PPFIA1: variants seen among roughly 807,000 people sequenced by gnomAD.
PPFIA1 encodes the protein liprin-alpha-1.
A neutral mutation model predicts 149.9 loss-of-function variants in PPFIA1; 25 were observed. That is an observed-to-expected ratio of 0.17 (90% confidence interval 0.12 to 0.23). The LOEUF is 0.23. Ranked by LOEUF, PPFIA1 falls within the 10% of genes least tolerant of loss-of-function variation. PPFIA1 has a pLI of 1.00. For synonymous variants in PPFIA1, 549 were observed against 552.8 expected (o/e 0.99, Z 0.10); for missense variants, 1,362 against 1,506.5 (o/e 0.90, Z 1.59).
At chr11:70,355,070 A>G (rs1429773422) in intron 17 of PPFIA1, among the ~76,000 whole-genome samples, 1 of 151,788 alleles carries the variant, frequency 6.6e-6, no homozygotes, top group Non-Finnish European at 1.5e-5. Context: ...ATGCCCGGCT[A>G]ATTTTTGTAT....
At chr11:70,331,854 T>A (rs2054688077) in intron 8 of PPFIA1, 106 bp from the exon 9 acceptor site, 1 of 1,262,468 alleles carries the variant, frequency 7.9e-7, no homozygotes, top group Non-Finnish European at 1.1e-6. Flanking sequence ...AGCTCTTCCA[T>A]CATGACTCTC....
intron 15 of PPFIA1, 73 bp from the exon 16 acceptor site, chr11:70,348,116 A>G (rs758293912): frequency 7.5e-7 from 1 of 1,329,120 alleles, no homozygotes; most frequent in Non-Finnish European, 1.1e-6. Context: ...GAGTATAAGC[A>G]TGGTTTTTCT....
At chr11:70,321,545 A>G (rs1207084193) in intron 2 of PPFIA1, 2 of 152,250 alleles carry the variant, frequency 1.3e-5, no homozygotes, top group Non-Finnish European at 2.9e-5. Flanking sequence ...ATGCTTAAAA[A>G]GATAAATTAG....
At chr11:70,286,971 A>G (rs2136161279) in intron 2 of PPFIA1, among the ~76,000 whole-genome samples, 1 of 139,474 alleles carries the variant, frequency 7.2e-6, no homozygotes, top group Admixed American at 7.0e-5. Flanking sequence ...ATACATATAC[A>G]CATATATGCA....
intron 23 of PPFIA1, 130 bp downstream of exon 23, chr11:70,372,704 G>T: frequency 3.0e-6 from 2 of 672,720 alleles, no homozygotes; most frequent in Non-Finnish European, 5.0e-6. Context: ...CTAGTCTAGT[G>T]TCATTGCAGA....
intron 26 of PPFIA1, among the ~76,000 whole-genome samples, chr11:70,380,411 C>CAAA (rs1183784440): frequency 3.5e-5 from 4 of 113,090 alleles, no homozygotes; most frequent in Non-Finnish European, 5.9e-5. Context: ...ACTAAAAATA[C>CAAA]AAAAAAAAAA....
chr11:70,362,041 G>A (rs952368268), intron 19 of PPFIA1, 54 bp from the exon 20 acceptor site: 2 of 1,546,472 alleles, frequency 1.3e-6, no homozygotes. Flanking sequence ...GATTACAGGT[G>A]TGAGCTACCA....
chr11:70,356,358 T>C, intron 19 of PPFIA1, 104 bp downstream of exon 19: 1 of 825,178 alleles, frequency 1.2e-6, no homozygotes, highest in East Asian at 2.6e-5. Context: ...ATATATACAT[T>C]ATATTCTGAA....
intron 21 of PPFIA1, chr11:70,362,696 A>T (rs1446383885): frequency 2.3e-6 from 1 of 426,924 alleles, no homozygotes. Context: ...TTTATGAAAG[A>T]TTGGCTAGAA....
rs780485919 is a variant in PPFIA1, at chr11:70,272,455, T to G, written c.264+19T>G. ...TCCACAGGTATGAGTGCTTTTAACC[T>G]GAAACTATAGATTTTTCTCCACTAA... On this transcript the variant is annotated intron_variant, in intron 2 of 27. Transcript: ENST00000253925. 3.1e-5 allele frequency: 48 copies of G among 1,567,270 alleles called. No individual in the cohort carries two copies. The highest frequency in any genetic ancestry group is 4.1e-5 in the African/African-American group (3 of 72,832).
At chr11:70,284,411 T>C (rs1000222430) in intron 2 of PPFIA1, among the ~76,000 whole-genome samples, 9 of 152,332 alleles carry the variant, frequency 5.9e-5, no homozygotes, top group African/African-American at 2.2e-4. Flanking sequence ...ACACCTTTAA[T>C]TGTCAGCAAG....
chr11:70,321,225 AG>A (rs2053921217), intron 2 of PPFIA1: 1 of 152,464 alleles, frequency 6.6e-6, no homozygotes, highest in South Asian at 2.1e-4. Flanking sequence ...GGCCCTCACC[AG>A]ACACCAAATC....
At chr11:70,360,646 C>A (rs183608698) in intron 19 of PPFIA1, among the ~76,000 whole-genome samples, 1 of 152,256 alleles carries the variant, frequency 6.6e-6, no homozygotes, top group Non-Finnish European at 1.5e-5. Flanking sequence ...TCAGCCACCA[C>A]CTGGTGATTG....
chr11:70,334,244 A>T (rs1039922818), intron 10 of PPFIA1: 1 of 152,316 alleles, frequency 6.6e-6, no homozygotes, highest in Non-Finnish European at 1.5e-5. Context: ...ATTTCTCTTT[A>T]ACAAGTAGGT....
At position 70,378,278 on chromosome 11, in the gene PPFIA1, G is replaced by A. The variant is rs975260442; in HGVS notation, c.3550+83G>A. 19 of 1,502,084 alleles carry A rather than the reference G, an allele frequency of 1.3e-5. No individual in the cohort carries two copies. The Middle Eastern group carries it at 5.4e-4, about 42-fold the overall frequency. 93.0% of individuals were successfully genotyped at this position (1,502,084 alleles called of 1,614,324 possible). ...TGGAACATTAATAATGATCTAAAAC[G>A]GCCTATTTAATATGTTACAAGGCAC... On this transcript the variant is annotated intron_variant, in intron 26 of 27. Coordinates refer to ENST00000253925, the MANE Select transcript of PPFIA1 (RefSeq NM_003626.5).
chr11:70,319,805 A>C (rs2053832119), intron 2 of PPFIA1: 1 of 152,310 alleles, frequency 6.6e-6, no homozygotes, highest in Non-Finnish European at 1.5e-5. Flanking sequence ...AGCCCTGCTG[A>C]AGCCCTTGCT....
chr11:70,376,752 C>CATTT (rs1057222734), intron 25 of PPFIA1, 152 bp downstream of exon 25: 12 of 751,510 alleles, frequency 1.6e-5, no homozygotes, highest in Non-Finnish European at 2.7e-5. Flanking sequence ...TGCTCTTATA[C>CATTT]ATTTATTCAC....
Position 70,353,954 on chromosome 11 carries a change from C to T in PPFIA1, c.2164-347C>T, listed in dbSNP as rs558651122. 9.2e-5 allele frequency among the ~76,000 whole-genome samples: 14 copies of T among 152,304 alleles called. No individual in the cohort carries two copies. The South Asian group carries it at 2.5e-3, about 27-fold the overall frequency. ...TCACATTTGTAACGATGTGGTTTAT[C>T]GGTGTTGTTCAGATCTCTGCTGCCC... On this transcript the variant is annotated intron_variant, in intron 16 of 27. Coordinates refer to ENST00000253925, the MANE Select transcript of PPFIA1 (RefSeq NM_003626.5).
chr11:70,330,347 G>A, intron 8 of PPFIA1, 28 bp downstream of exon 8: 1 of 1,522,672 alleles, frequency 6.6e-7, no homozygotes, highest in Non-Finnish European at 8.8e-7. Context: ...CCTTTGTCTG[G>A]CTTTAGTTAA....
Sources: gnomAD v4.1 joint callset for allele counts (sites outside exome capture counted in the v4.1 genomes callset) on GRCh38, gnomAD v4.1.1 for gene constraint, MANE v1.5 for transcripts, NCBI Gene and HGNC (gene_info 2026-07-23, HGNC 2026-07-21) for gene names.